The following VWA8 variants were observed in gnomAD, a reference collection of about 807,000 sequenced individuals.
The protein encoded by VWA8 is von Willebrand factor A domain containing 8, also known as von Willebrand factor A domain-containing protein 8.
Under a neutral mutation model 241.5 loss-of-function variants are expected in VWA8, and 221 were observed. That is an observed-to-expected ratio of 0.91 (90% CI 0.82 to 1.02). The LOEUF (loss-of-function observed/expected upper bound fraction) is 1.02, where lower values mean the gene tolerates loss of function less well. Among genes scored for constraint, VWA8 ranks in the 50% least tolerant of loss-of-function variants. The pLI is 0.00. For missense variants in VWA8, 2,322 were observed against 2,328.7 expected, an observed-to-expected ratio of 1.00 and a Z score of 0.06; for synonymous variants, 852 against 827.1, an observed-to-expected ratio of 1.03 and a Z score of -0.52.
intron 35 of VWA8, among the ~76,000 whole-genome samples, chr13:41,681,472 A>G (rs1286809881): frequency 2.0e-5 from 3 of 152,220 alleles, no homozygotes; most frequent in Non-Finnish European, 4.4e-5. Context: ...ACAATATGAT[A>G]CTATTTACAC....
intron 37 of VWA8, among the ~76,000 whole-genome samples, chr13:41,646,742 A>G (rs572703388): frequency 3.9e-5 from 6 of 152,396 alleles, no homozygotes; most frequent in African/African-American, 1.4e-4. Context: ...ATTTATAGAA[A>G]GCACTGTATA....
intron 2 of VWA8, among the ~76,000 whole-genome samples, chr13:41,947,187 C>G (rs951927782): frequency 3.3e-5 from 5 of 152,174 alleles, no homozygotes; most frequent in Non-Finnish European, 5.9e-5. Flanking sequence ...AGTGACAGTC[C>G]TGAATAAAGT....
intron 26 of VWA8, among the ~76,000 whole-genome samples, chr13:41,705,576 G>A (rs1009458460): frequency 7.2e-5 from 11 of 152,196 alleles, no homozygotes; most frequent in Non-Finnish European, 1.5e-4. Context: ...CAGACTGCAA[G>A]AGATTTGGGT....
At chr13:41,671,806 G>T (rs1018443712) in intron 36 of VWA8, among the ~76,000 whole-genome samples, 1 of 152,112 alleles carries the variant, frequency 6.6e-6, no homozygotes, top group Non-Finnish European at 1.5e-5. Flanking sequence ...ACTAGGAACT[G>T]AATTGGCTGG....
At chr13:41,868,137 G>A (rs1593830033) in intron 10 of VWA8, among the ~76,000 whole-genome samples, 1 of 152,070 alleles carries the variant, frequency 6.6e-6, no homozygotes, top group African/African-American at 2.4e-5. Flanking sequence ...GGTCAACTTT[G>A]AATTTTTGAT....
chr13:41,806,428 G>A (rs552508247), intron 17 of VWA8, among the ~76,000 whole-genome samples: 20 of 152,336 alleles, frequency 1.3e-4, no homozygotes, highest in African/African-American at 4.6e-4. Context: ...GATAGGCTGG[G>A]CGCAGTGGCT....
chr13:41,688,516 A>G (rs532976027), intron 34 of VWA8, among the ~76,000 whole-genome samples: 19 of 152,256 alleles, frequency 1.2e-4, no homozygotes, highest in African/African-American at 4.3e-4. Context: ...CAATTCAAAT[A>G]GCTTCTCCTT....
At chr13:41,868,551 C>G (rs765113710) in intron 9 of VWA8, 74 bp from the exon 10 acceptor site, 1 of 1,469,372 alleles carries the variant, frequency 6.8e-7, no homozygotes, top group Non-Finnish European at 9.2e-7. Context: ...ACAGATTACA[C>G]CTTAATTACA....
In VWA8 at chr13:41,703,282, G is replaced by A. The variant is rs574998516; in HGVS notation, c.3225+21C>T. ...ATTTATAAGGTTCAATATTTTAAGA[G>A]AGAATAATGATGATATCAACCTTTA... On this transcript the variant is annotated intron_variant, in intron 27 of 44. Coordinates refer to ENST00000379310, the MANE Select transcript of VWA8 (RefSeq NM_015058.2). The A allele has an allele frequency of 1.6e-5, 25 of 1,582,028 alleles. No individual in the cohort carries two copies. In the South Asian group the frequency reaches 2.7e-4, roughly 17 times the overall value.
chr13:41,831,496 G>A (rs1212428314), intron 13 of VWA8, among the ~76,000 whole-genome samples: 2 of 151,946 alleles, frequency 1.3e-5, no homozygotes, highest in Admixed American at 1.3e-4. Context: ...GCTTATAGCT[G>A]TTCTCAATCT....
At chr13:41,897,288 A>T (rs1268626352) in intron 4 of VWA8, among the ~76,000 whole-genome samples, 4 of 152,212 alleles carry the variant, frequency 2.6e-5, no homozygotes, top group African/African-American at 9.7e-5. Flanking sequence ...AGACGTACAG[A>T]TGGCCAGTAA....
intron 38 of VWA8, among the ~76,000 whole-genome samples, chr13:41,614,770 G>T (rs1297860086): frequency 1.3e-5 from 2 of 152,138 alleles, no homozygotes; most frequent in African/African-American, 2.4e-5. Context: ...TCACAGGGTG[G>T]CAGAGCCTGT....
intron 41 of VWA8, among the ~76,000 whole-genome samples, chr13:41,589,849 C>T (rs2044443001): frequency 2.6e-5 from 4 of 152,050 alleles, no homozygotes; most frequent in Admixed American, 1.3e-4. Flanking sequence ...AAACCATTTA[C>T]TACCCCCGTA....
At chr13:41,815,917 G>C (rs1358559326) in intron 16 of VWA8, among the ~76,000 whole-genome samples, 1 of 152,176 alleles carries the variant, frequency 6.6e-6, no homozygotes, top group African/African-American at 2.4e-5. Flanking sequence ...TAACTGGTGA[G>C]ATTTGTTTTC....
chr13:41,942,114 A>G (rs1417977870), intron 2 of VWA8, among the ~76,000 whole-genome samples: 1 of 152,164 alleles, frequency 6.6e-6, no homozygotes, highest in African/African-American at 2.4e-5. Context: ...TTATACATCT[A>G]TTTTGTTAAT....
chr13:41,717,935 C>T (rs887727432), intron 26 of VWA8, among the ~76,000 whole-genome samples: 1 of 151,988 alleles, frequency 6.6e-6, no homozygotes, highest in Non-Finnish European at 1.5e-5. Context: ...TGCTTCTACT[C>T]AAAAGTACTA....
rs759574223 is a variant in VWA8 at position 41,866,085 on chromosome 13, C to T, written c.1213-49G>A. The stretch of plus-strand genomic sequence containing the variant: ...TAACATGGCCAGATGTGGTGGCTCA[C>T]GCCTATAATCCCAACACTTTGGGAG... On this transcript the variant is annotated intron_variant, in intron 10 of 44. Transcript: ENST00000379310. 42 of 1,595,884 alleles carry T rather than the reference C, an allele frequency of 2.6e-5. No individual in the cohort carries two copies. In the South Asian group the frequency reaches 3.2e-4, roughly 12 times the overall value.
At chr13:41,589,333 A>G (rs2044439585) in intron 41 of VWA8, among the ~76,000 whole-genome samples, 1 of 152,166 alleles carries the variant, frequency 6.6e-6, no homozygotes, top group African/African-American at 2.4e-5. Flanking sequence ...TATATGATGG[A>G]CACTGATCTT....
intron 20 of VWA8, among the ~76,000 whole-genome samples, chr13:41,774,432 T>C (rs1050692144): frequency 6.6e-6 from 1 of 152,258 alleles, no homozygotes; most frequent in African/African-American, 2.4e-5. Flanking sequence ...CATGAGCCAC[T>C]GCACCCAGCC....
Sources: gnomAD v4.1 joint callset for allele counts (sites outside exome capture counted in the v4.1 genomes callset) on GRCh38, gnomAD v4.1.1 for gene constraint, MANE v1.5 for transcripts, NCBI Gene and HGNC (gene_info 2026-07-23, HGNC 2026-07-21) for gene names.